The following BDNF variants were observed in gnomAD, a reference collection of about 807,000 sequenced individuals.
The protein encoded by BDNF is neurotrophic factor BDNF precursor form.
In BDNF, 1 loss-of-function variant was observed where a neutral mutation model predicts 19.5. The ratio of observed to expected loss-of-function variants is 0.05; its 90% confidence interval spans 0.02 to 0.24. The LOEUF is 0.24. BDNF is among the 10% of genes least tolerant of loss of function. The pLI is 1.00. For synonymous variants in BDNF, 100 were observed against 121.6 expected, an observed-to-expected ratio of 0.82 and a Z score of 1.17; for missense variants, 195 against 317.6, an observed-to-expected ratio of 0.61 and a Z score of 2.93.
intron 1 of BDNF, among the ~76,000 whole-genome samples, chr11:27,662,395 A>T (rs935942140): frequency 2.0e-5 from 3 of 152,236 alleles, no homozygotes; most frequent in Admixed American, 2.0e-4. Context: ...GAGAAAAGAC[A>T]GTTTGGATAT....
rs1452535033 is a variant in BDNF, at chr11:27,699,677, G to A, written c.-22+487C>T. On this transcript the variant is annotated intron_variant, in intron 1 of 1. Coordinates refer to ENST00000356660, the MANE Select transcript of BDNF (RefSeq NM_001709.5). ...GAGCAGGTAGCCGTGTGCAGCTCCGGGGAAGGGATGCGGGCTGAAGGCGCA... is the reference window on the plus strand; with the variant it reads ...GAGCAGGTAGCCGTGTGCAGCTCCGAGGAAGGGATGCGGGCTGAAGGCGCA... 2.8e-6 allele frequency: 4 copies of A among 1,413,082 alleles called. No homozygotes were observed. In the East Asian group the frequency reaches 7.7e-5, roughly 27 times the overall value. The allele number at this position is 1,413,082 out of a possible 1,614,324, so 87.5% of individuals were successfully genotyped here. A position where few individuals can be genotyped will look rare whatever the true frequency, so the allele number is the denominator to read the frequency against.
chr11:27,713,903 C>A (rs911872446), intron 1 of BDNF, among the ~76,000 whole-genome samples: 3 of 152,214 alleles, frequency 2.0e-5, no homozygotes, highest in African/African-American at 4.8e-5. Context: ...TTGCATGTTA[C>A]TAAACTGCTG....
At chr11:27,701,504 GAGGTAATACTCGC>G, upstream of BDNF, 1 of 989,446 alleles carries the variant, frequency 1.0e-6, no homozygotes, top group Non-Finnish European at 1.2e-6. Context: ...TTGCATGGCG[GAGGTAATACTCGC>G]ACCCCATCAG....
chr11:27,705,700 T>C (rs183529216), intron 1 of BDNF, among the ~76,000 whole-genome samples: 1 of 152,290 alleles, frequency 6.6e-6, no homozygotes, highest in Admixed American at 6.5e-5. Flanking sequence ...TAGTGCATGG[T>C]TGTGAAGAAT....
At position 27,721,542 on chromosome 11, in the gene BDNF, C is replaced by G. The variant is rs1400295228; in HGVS notation, c.-128G>C. On this transcript the variant is annotated 5_prime_UTR_variant, in exon 1 of 2. Transcript: ENST00000314915. Reference sequence around the variant, plus strand: ...CGGCTTTGCTCAGTGGATCGCCCACCACTTGGTGTGACTTATGAATCTAAT... The same window carrying G: ...CGGCTTTGCTCAGTGGATCGCCCACGACTTGGTGTGACTTATGAATCTAAT... The G allele has an allele frequency of 3.1e-6, 3 of 981,272 alleles. No individual in the cohort carries two copies. The African/African-American group carries it at 4.8e-5, about 16-fold the overall frequency. 60.8% of individuals were successfully genotyped at this position (981,272 alleles called of 1,614,324 possible). A position where few individuals can be genotyped will look rare whatever the true frequency, so the allele number is the denominator to read the frequency against.
chr11:27,660,258 A>G (rs928626443), intron 1 of BDNF: 55 of 1,252,554 alleles, frequency 4.4e-5, no homozygotes, highest in Non-Finnish European at 5.6e-5. Context: ...CCACTAAGAG[A>G]CTTTATTACC....
intron 1 of BDNF, among the ~76,000 whole-genome samples, chr11:27,715,932 C>A (rs1860491128): frequency 6.6e-6 from 1 of 152,018 alleles, no homozygotes; most frequent in Admixed American, 6.5e-5. Context: ...TGCACTATAG[C>A]AGAAAAATCT....
chr11:27,656,721 T>G lies in BDNF; in HGVS notation c.*1100A>C. The G allele has an allele frequency of 1.0e-6, 1 of 985,416 alleles. No homozygotes were observed. The highest frequency in any genetic ancestry group is 1.2e-6 in the Non-Finnish European group (1 of 829,916). The allele number at this position is 985,416 out of a possible 1,614,324, so 61.0% of individuals were successfully genotyped here. On this transcript the variant is annotated 3_prime_UTR_variant, in exon 2 of 2. Coordinates refer to ENST00000356660, the MANE Select transcript of BDNF (RefSeq NM_001709.5). ...ACATTGTTAAGCCTCACCATGAGTT[T>G]TTTTTAAGCTTAGCCATGATTTACC...
At chr11:27,662,091 C>T (rs549535015) in intron 1 of BDNF, among the ~76,000 whole-genome samples, 1 of 152,316 alleles carries the variant, frequency 6.6e-6, no homozygotes, top group South Asian at 2.1e-4. Context: ...CAATCTCCAC[C>T]TCCTGGGTTC....
chr11:27,701,201 C>G, upstream of BDNF: 1 of 1,187,404 alleles, frequency 8.4e-7, no homozygotes, highest in Non-Finnish European at 1.1e-6. Flanking sequence ...TTGTTCCAGC[C>G]AGGAAGCCCA....
intron 1 of BDNF, among the ~76,000 whole-genome samples, chr11:27,691,453 A>G (rs531924021): frequency 2.0e-5 from 3 of 152,376 alleles, no homozygotes; most frequent in African/African-American, 7.2e-5. Context: ...TTTGCTACAT[A>G]TAACATTCTT....
Position 27,657,288 on chromosome 11 carries a change from C to A in BDNF, c.*533G>T, listed in dbSNP as rs1251703201. 6.1e-6 allele frequency: 6 copies of A among 987,392 alleles called. No individual in the cohort carries two copies. Among genetic ancestry groups the A allele is most frequent in the Non-Finnish European group, 7.2e-6 (6 of 831,212 alleles). The allele number at this position is 987,392 out of a possible 1,614,324, so 61.2% of individuals were successfully genotyped here. The stretch of plus-strand genomic sequence containing the variant: ...AACAAACAAAAATATACCCCCCATC[C>A]CCCATCCCCTAAGCCAGTAAAGCAA... On this transcript the variant is annotated 3_prime_UTR_variant, in exon 2 of 2. Transcript: ENST00000356660. This position sits in a 1 kb window ranked among gnomAD's most constrained non-coding sequence, Gnocchi z 5.0.
At chr11:27,700,835 C>G (rs1321236555), upstream of BDNF, 1 of 1,233,444 alleles carries the variant, frequency 8.1e-7, no homozygotes, top group African/African-American at 1.5e-5. Context: ...GCTGTGGGCG[C>G]TGGGGCGGGA....
intron 1 of BDNF, among the ~76,000 whole-genome samples, chr11:27,667,292 A>C (rs943851444): frequency 1.3e-5 from 2 of 152,176 alleles, no homozygotes; most frequent in African/African-American, 4.8e-5. Context: ...AGGAACAACC[A>C]GTACCAGCCA....
chr11:27,674,876 T>C (rs1164440274), intron 1 of BDNF: 1 of 905,742 alleles, frequency 1.1e-6, no homozygotes, highest in Non-Finnish European at 1.3e-6. Flanking sequence ...ATGCTCTGGA[T>C]AGCTGGAAAA....
intron 1 of BDNF, among the ~76,000 whole-genome samples, chr11:27,710,711 T>G (rs1860290458): frequency 6.6e-6 from 1 of 152,240 alleles, no homozygotes; most frequent in Non-Finnish European, 1.5e-5. Flanking sequence ...TTGGAGAGGG[T>G]GTTCCTCATC....
At position 27,698,017 on chromosome 11, in the gene BDNF, C is replaced by G. The variant is rs1859329925; in HGVS notation, c.-22+2147G>C. 3 of 151,480 alleles carry G rather than the reference C, an allele frequency of 2.0e-5. No homozygotes were observed. In the South Asian group the frequency reaches 6.3e-4, roughly 32 times the overall value. The allele number at this position is 151,480 out of a possible 1,614,324, so 9.4% of individuals were successfully genotyped here. On this transcript the variant is annotated intron_variant, in intron 1 of 1. Transcript: ENST00000356660. The stretch of plus-strand genomic sequence containing the variant: ...TCCACATACATAATGCTTTTAGTGT[C>G]ATAATACTTACTACTGGTCTATATT...
rs1255476690 is a variant in BDNF at position 27,656,514 on chromosome 11, C to A, written c.*1307G>T. ...TTTTGGAATGTCTCAAATACCATGCCCCACCTCCACCTAGACCTTGGGATG... is the reference window on the plus strand; with the variant it reads ...TTTTGGAATGTCTCAAATACCATGCACCACCTCCACCTAGACCTTGGGATG... On this transcript the variant is annotated 3_prime_UTR_variant, in exon 2 of 2. Transcript: ENST00000356660. The A allele has an allele frequency of 1.0e-6, 1 of 982,022 alleles. No homozygotes were observed. Among genetic ancestry groups the A allele is most frequent in the Non-Finnish European group, 1.2e-6 (1 of 826,634 alleles). 60.8% of individuals were successfully genotyped at this position (982,022 alleles called of 1,614,324 possible).
intron 1 of BDNF, chr11:27,659,432 A>G (rs1364158515): frequency 2.0e-6 from 2 of 1,000,220 alleles, no homozygotes; most frequent in African/African-American, 3.5e-5. Flanking sequence ...TGTCATGAAA[A>G]CAATGTGTCT....
Sources: gnomAD v4.1 joint callset for allele counts (sites outside exome capture counted in the v4.1 genomes callset) on GRCh38, gnomAD v4.1.1 for gene constraint, Gnocchi (gnomAD v3.1) non-coding constraint, MANE v1.5 for transcripts, NCBI Gene and HGNC (gene_info 2026-07-23, HGNC 2026-07-21) for gene names.